RGS6: variants seen among roughly 807,000 people sequenced by gnomAD.
The protein encoded by RGS6 is regulator of G protein signaling 6, also known as regulator of G-protein signaling 6.
RGS6 carries 30 observed loss-of-function variants against 78.5 expected under a neutral mutation model. The ratio of observed to expected loss-of-function variants is 0.38; its 90% CI spans 0.29 to 0.52. The LOEUF (loss-of-function observed/expected upper bound fraction) is 0.52. Among genes scored for constraint, RGS6 ranks in the 20% least tolerant of loss-of-function variants. The pLI is 0.85. For synonymous variants in RGS6, 206 were observed against 206.0 expected (o/e 1.00, Z 0.00); for missense variants, 495 against 609.7 (o/e 0.81, Z 1.98).
At chr14:72,343,192 G>T (rs1596026990) in intron 2 of RGS6, among the ~76,000 whole-genome samples, 1 of 152,172 alleles carries the variant, frequency 6.6e-6, no homozygotes, top group East Asian at 1.9e-4. Flanking sequence ...AATCTGAAAA[G>T]ATCTCACTGG....
At chr14:71,871,627 C>T in the RGS6 span, among the ~76,000 whole-genome samples, 2 of 152,120 alleles carry the variant, frequency 1.3e-5, no homozygotes, top group Non-Finnish European at 2.9e-5. Context: ...CTCATGTTAC[C>T]TAGGTGTCAC....
intron 17 of RGS6, 84 bp downstream of exon 17, chr14:72,540,178 GGTT>G (rs772671184): frequency 2.8e-6 from 4 of 1,446,736 alleles, no homozygotes; most frequent in African/African-American, 3.0e-5. Context: ...TTTTCCCTTT[GGTT>G]GTTGTTTCCT....
intron 2 of RGS6, among the ~76,000 whole-genome samples, chr14:72,122,798 T>A (rs2096085924): frequency 6.6e-6 from 1 of 151,232 alleles, no homozygotes; most frequent in Non-Finnish European, 1.5e-5. Flanking sequence ...ATGCTTAAGG[T>A]ACAAGTTTAA....
chr14:72,294,589 G>A (rs567365811), intron 2 of RGS6, among the ~76,000 whole-genome samples: 1 of 152,184 alleles, frequency 6.6e-6, no homozygotes, highest in African/African-American at 2.4e-5. Context: ...CATGTTGCTG[G>A]AGGCTGTGCA....
intron 2 of RGS6, among the ~76,000 whole-genome samples, chr14:72,193,393 C>G (rs1290533133): frequency 6.6e-6 from 1 of 152,206 alleles, no homozygotes; most frequent in Non-Finnish European, 1.5e-5. Context: ...GAGGACACAT[C>G]CCTTCCCCAT....
At chr14:72,503,722 G>A (rs2096760157) in intron 13 of RGS6, among the ~76,000 whole-genome samples, 1 of 151,950 alleles carries the variant, frequency 6.6e-6, no homozygotes, top group East Asian at 1.9e-4. Context: ...GACCCACTGG[G>A]GCAGCAGCCC....
At chr14:72,146,625 G>C (rs1275876167) in intron 2 of RGS6, among the ~76,000 whole-genome samples, 3 of 152,106 alleles carry the variant, frequency 2.0e-5, no homozygotes, top group Non-Finnish European at 2.9e-5. Context: ...AAGAAAAAAA[G>C]AGTAACTAGT....
intron 2 of RGS6, among the ~76,000 whole-genome samples, chr14:72,339,478 A>G (rs2152663860): frequency 6.6e-6 from 1 of 152,322 alleles, no homozygotes. Flanking sequence ...ACCTTAGCCC[A>G]TTCTGTTGAA....
intron 2 of RGS6, among the ~76,000 whole-genome samples, chr14:72,151,257 A>G (rs982839657): frequency 6.6e-6 from 1 of 152,138 alleles, no homozygotes; most frequent in African/African-American, 2.4e-5. Flanking sequence ...AAGCCTTCCT[A>G]CGACAATAGG....
chr14:72,622,093 T>TAAAGAC, the RGS6 span, among the ~76,000 whole-genome samples: 1 of 152,202 alleles, frequency 6.6e-6, no homozygotes, highest in South Asian at 2.1e-4. Flanking sequence ...GACCTTGTCT[T>TAAAGAC]CATGGAGAAG....
chr14:71,956,404 G>A (rs2092797202), intron 1 of RGS6, among the ~76,000 whole-genome samples: 1 of 151,726 alleles, frequency 6.6e-6, no homozygotes, highest in African/African-American at 2.4e-5. Context: ...AACAGTGTGT[G>A]TGTGTATATA....
At chr14:72,418,640 C>A (rs1274831509) in intron 3 of RGS6, among the ~76,000 whole-genome samples, 1 of 152,162 alleles carries the variant, frequency 6.6e-6, no homozygotes, top group Admixed American at 6.5e-5. Context: ...TGAGCTCTAA[C>A]CTAGAGAGAG....
the RGS6 span, among the ~76,000 whole-genome samples, chr14:71,888,583 C>G: frequency 8.6e-5 from 13 of 152,046 alleles, no homozygotes; most frequent in African/African-American, 3.1e-4. Context: ...ATCTCATGCT[C>G]TGAGACTGGG....
At chr14:72,150,302 G>C (rs2096665178) in intron 2 of RGS6, among the ~76,000 whole-genome samples, 1 of 152,114 alleles carries the variant, frequency 6.6e-6, no homozygotes, top group Admixed American at 6.6e-5. Context: ...AGGCAAGAAA[G>C]GATTCTTCCC....
At chr14:72,310,168 G>A (rs2068223746) in intron 2 of RGS6, among the ~76,000 whole-genome samples, 1 of 152,210 alleles carries the variant, frequency 6.6e-6, no homozygotes, top group African/African-American at 2.4e-5. Context: ...AGCAGAGCCA[G>A]GTGCAGGATC....
At chr14:72,364,025 A>AAAAC in intron 3 of RGS6, among the ~76,000 whole-genome samples, 2 of 151,066 alleles carry the variant, frequency 1.3e-5, no homozygotes, top group African/African-American at 4.9e-5. Flanking sequence ...AAAAAAAAAA[A>AAAAC]ACTCTATATT....
upstream of RGS6, among the ~76,000 whole-genome samples, chr14:71,931,970 T>C (rs980750519): frequency 3.3e-5 from 5 of 152,144 alleles, no homozygotes; most frequent in Non-Finnish European, 7.4e-5. Context: ...CGGTGTCCCG[T>C]TTTAATTTAG....
chr14:72,325,752 G>C (rs143194035), intron 2 of RGS6, among the ~76,000 whole-genome samples: 1 of 151,768 alleles, frequency 6.6e-6, no homozygotes, highest in African/African-American at 2.4e-5. Context: ...TTCCCAAAAA[G>C]AAAGAAACAT....
intron 3 of RGS6, among the ~76,000 whole-genome samples, chr14:72,432,693 C>T (rs1189791368): frequency 2.6e-5 from 4 of 152,220 alleles, no homozygotes; most frequent in Non-Finnish European, 5.9e-5. Flanking sequence ...TCATCTCACC[C>T]CAGCTAAAGC....
Sources: allele counts gnomAD v4.1 joint callset (sites outside exome capture counted in the v4.1 genomes callset), GRCh38; gene constraint gnomAD v4.1.1; transcripts MANE v1.5; gene names NCBI Gene and HGNC (gene_info 2026-07-23, HGNC 2026-07-21).